Variants in TMEM184A observed in about 807,000 individuals in gnomAD.
TMEM184A encodes the protein transmembrane protein 184A.
In TMEM184A, 40 loss-of-function variants were observed where a neutral mutation model predicts 39.5. The ratio of observed to expected loss-of-function variants is 1.01; its 90% CI spans 0.79 to 1.32. TMEM184A has a LOEUF of 1.32. Ranked by LOEUF, TMEM184A falls within the 40% of genes most tolerant of loss-of-function variation. The pLI is 0.00. For missense variants in TMEM184A, 603 were observed against 568.8 expected, an observed-to-expected ratio of 1.06 and a Z score of -0.61; for synonymous variants, 280 against 252.3, an observed-to-expected ratio of 1.11 and a Z score of -1.04.
Position 1,555,208 on chromosome 7 carries a change from C to A in TMEM184A, c.219+58G>T. ...CACCCAGGGGGACCGGGCTGAGCCA[C>A]GGCCACGTCCTGTGGAGACCAAGGT... On this transcript the variant is annotated intron_variant, in intron 2 of 8. Coordinates refer to ENST00000297477, the MANE Select transcript of TMEM184A (RefSeq NM_001097620.2). This position sits in a 1 kb window ranked among gnomAD's most constrained non-coding sequence, Gnocchi z 5.2. 2 of 1,435,510 alleles carry A rather than the reference C, an allele frequency of 1.4e-6. No homozygotes were observed. The highest frequency in any genetic ancestry group is 1.9e-6 in the Non-Finnish European group (2 of 1,067,458). The allele number at this position is 1,435,510 out of a possible 1,614,324, so 88.9% of individuals were successfully genotyped here. A position where few individuals can be genotyped will look rare whatever the true frequency, so the allele number is the denominator to read the frequency against.
intron 4 of TMEM184A, 48 bp downstream of exon 4, chr7:1,550,257 C>T: frequency 2.5e-6 from 4 of 1,608,926 alleles, no homozygotes; most frequent in Non-Finnish European, 3.4e-6. Flanking sequence ...CGCCGGGCTC[C>T]CTGTCCCAGG....
chr7:1,555,542 G>A lies in TMEM184A; in HGVS notation c.1-58C>T, dbSNP rs540997586. The A allele has an allele frequency of 5.3e-4, 735 of 1,386,792 alleles. 8 individuals carry two copies. The South Asian group carries it at 7.9e-3, about 15-fold the overall frequency. 85.9% of individuals were successfully genotyped at this position (1,386,792 alleles called of 1,614,324 possible). ...AGTGAGGGCAAAGGTACTGGCTCCC[G>A]GCAGCAGGAAGCAGCGGGGGAGGGA... On this transcript the variant is annotated intron_variant, in intron 1 of 8. Coordinates refer to ENST00000297477, the MANE Select transcript of TMEM184A (RefSeq NM_001097620.2). This position sits in a 1 kb window ranked among gnomAD's most constrained non-coding sequence, Gnocchi z 5.2.
chr7:1,549,719 T>TGCCAGGTGCCCCCGCAGCTCCCACCTTAC, intron 6 of TMEM184A, 135 bp downstream of exon 6: 1 of 800,112 alleles, frequency 1.2e-6, no homozygotes, highest in Non-Finnish European at 2.1e-6. Context: ...GCCCACCTCA[T>TGCCAGGTGCCCCCGCAGCTCCCACCTTAC]GCCAGGTGCC....
rs1419955582 is a variant in TMEM184A, at chr7:1,550,884, G to A, written c.318C>T (p.Leu106=). ...GGTGGTCTCCGAGGAGGAGGAGGCTGAGCCAGGAGTCGAAGGCGTAGATGG... is the reference window on the plus strand; with the variant it reads ...GGTGGTCTCCGAGGAGGAGGAGGCTAAGCCAGGAGTCGAAGGCGTAGATGG... ...IVPIYAFDSW[L]SLLLLGDHQY... is the part of the protein sequence containing the mutation. Residue 106 remains leucine, a synonymous_variant, in exon 3 of 9, where the codon CTC becomes CTT. Transcript: ENST00000297477. 3 of 1,613,802 alleles carry A rather than the reference G, an allele frequency of 1.9e-6. No homozygotes were observed. The highest frequency in any genetic ancestry group is 1.7e-5 in the Admixed American group (1 of 60,030).
rs1583219646 is a variant in TMEM184A at position 1,550,689 on chromosome 7, T to C, written c.385+128A>G. On this transcript the variant is annotated intron_variant, in intron 3 of 8. Coordinates refer to ENST00000297477, the MANE Select transcript of TMEM184A (RefSeq NM_001097620.2). ...CCAGCGCCGCTAACCCTGACTATCC[T>C]GGCAGCCCCTCTGACGGGCCGGGAG... 3 of 1,234,578 alleles carry C rather than the reference T, an allele frequency of 2.4e-6. No individual in the cohort carries two copies. The East Asian group carries it at 7.2e-5, about 30-fold the overall frequency. 76.5% of individuals were successfully genotyped at this position (1,234,578 alleles called of 1,614,324 possible). A position where few individuals can be genotyped will look rare whatever the true frequency, so the allele number is the denominator to read the frequency against.
chr7:1,552,363 A>G (rs1167097668), intron 2 of TMEM184A, among the ~76,000 whole-genome samples: 1 of 152,106 alleles, frequency 6.6e-6, no homozygotes, highest in Non-Finnish European at 1.5e-5. Flanking sequence ...TTCGTGGGGA[A>G]TGGCTGAGTC....
intron 6 of TMEM184A, chr7:1,549,052 GAC>G: frequency 2.0e-6 from 1 of 507,626 alleles, no homozygotes; most frequent in Non-Finnish European, 3.8e-6. Context: ...CTGTGTGGTG[GAC>G]ACACAGGTGT....
chr7:1,551,217 T>C (rs1187926258), intron 2 of TMEM184A, among the ~76,000 whole-genome samples: 2 of 77,692 alleles, frequency 2.6e-5, no homozygotes, highest in African/African-American at 4.7e-5. Flanking sequence ...GAGAGCCGGG[T>C]CCACCCGGTA....
rs1784213642 is a variant in TMEM184A, at chr7:1,542,369, G to A, written c.*4583C>T. ...AGGTGGGAGTTGGGAGCAAAGCGGA[G>A]GCCCGGGCTGCCCGCCGTCCCCCTT... On this transcript the variant is annotated 3_prime_UTR_variant, in exon 9 of 9. Transcript: ENST00000297477. 1 of 152,542 alleles carries A rather than the reference G, an allele frequency of 6.6e-6. No individual in the cohort carries two copies. The highest frequency in any genetic ancestry group is 1.5e-5 in the Non-Finnish European group (1 of 68,088). 9.4% of individuals were successfully genotyped at this position (152,542 alleles called of 1,614,324 possible).
chr7:1,547,341 C>T (rs750092967), intron 8 of TMEM184A, among the ~76,000 whole-genome samples, 160 bp from the exon 9 acceptor site: 5 of 152,030 alleles, frequency 3.3e-5, no homozygotes, highest in Non-Finnish European at 7.4e-5. Flanking sequence ...GCCCAGCTTG[C>T]TCCACCCAGC....
chr7:1,548,071 G>C, intron 7 of TMEM184A, 132 bp from the exon 8 acceptor site: 1 of 1,056,606 alleles, frequency 9.5e-7, no homozygotes, highest in South Asian at 1.6e-5. Flanking sequence ...CACCCCAGGA[G>C]ACTGAGGTTC....
rs1247449084 is a variant in TMEM184A, at chr7:1,543,425, C to T, written c.*3527G>A. ...AGCTTTGCTGGACTCTCAGAGGAGC[C>T]TGCAGGAAGCTGTGAGCAAGACAGG... On this transcript the variant is annotated 3_prime_UTR_variant, in exon 9 of 9. Transcript: ENST00000297477. 1.3e-5 allele frequency: 2 copies of T among 152,308 alleles called. No homozygotes were observed. The highest frequency in any genetic ancestry group is 2.9e-5 in the Non-Finnish European group (2 of 68,080). The allele number at this position is 152,308 out of a possible 1,614,324, so 9.4% of individuals were successfully genotyped here.
At chr7:1,550,049 G>T (rs1008653927) in intron 5 of TMEM184A, 74 bp downstream of exon 5, 3 of 1,585,244 alleles carry the variant, frequency 1.9e-6, no homozygotes, top group African/African-American at 1.3e-5. Flanking sequence ...ACTGGGTGGG[G>T]TGGCGCTGGG....
intron 2 of TMEM184A, among the ~76,000 whole-genome samples, chr7:1,552,870 C>T (rs1041368324): frequency 6.6e-6 from 1 of 152,170 alleles, no homozygotes; most frequent in Non-Finnish European, 1.5e-5. Flanking sequence ...GCCTGGTCAA[C>T]AGGGCGAACT....
At position 1,555,409 on chromosome 7, in the gene TMEM184A, G is replaced by C. The variant is rs571255809; in HGVS notation, c.76C>G (p.Pro26Ala). The C allele has an allele frequency of 4.3e-6, 7 of 1,611,848 alleles. No individual in the cohort carries two copies. The highest frequency in any genetic ancestry group is 2.2e-5 in the East Asian group (1 of 44,852). The change falls in exon 2 of 9, where the codon CCA (proline) becomes GCA (alanine). Residue 26 changes from proline to alanine, a missense_variant. Coordinates refer to ENST00000297477, the MANE Select transcript of TMEM184A (RefSeq NM_001097620.2). The surrounding 1 kb of genome is among the most constrained non-coding windows in gnomAD (Gnocchi z 5.2). ...VSANWPQPSP[P>A]PAVPAGPQMD... ...TGCGGCCCAGCTGGCACAGCCGGTG[G>C]GGGGCTGGGCTGCGGCCAGTTCGCT...
Position 1,548,585 on chromosome 7 carries a change from G to C in TMEM184A, c.748C>G (p.Arg250Gly). 1 of 1,613,896 alleles carries C rather than the reference G, an allele frequency of 6.2e-7. No individual in the cohort carries two copies. Among genetic ancestry groups the C allele is most frequent in the Non-Finnish European group, 8.5e-7 (1 of 1,179,978 alleles). Reference protein sequence around the residue: ...LFYFTTRELLRPFQPVLKFLT... With the variant: ...LFYFTTRELLGPFQPVLKFLT... ...AACTTGAGGACGGGCTGGAAGGGCC[G>C]CAGGAGCTCCCTGGTGGTGAAGTAG... Residue 250 changes from arginine to glycine, a missense_variant, in exon 7 of 9, where the codon CGG becomes GGG. Coordinates refer to ENST00000297477, the MANE Select transcript of TMEM184A (RefSeq NM_001097620.2).
rs748796674 is a variant in TMEM184A at position 1,555,280 on chromosome 7, G to C, written c.205C>G (p.Leu69Val). ...GAAGGGCTTACCTGGTGGCAGGTGA[G>C]CACCAGGGCAGTCCACACGAAGATC... Reference protein sequence around the residue: ...SGIFVWTALVLTCHQIYLHLR... With the variant: ...SGIFVWTALVVTCHQIYLHLR... The change falls in exon 2 of 9, where the codon CTC (leucine) becomes GTC (valine). Residue 69 changes from leucine to valine, a missense_variant. By Grantham distance (32) the Leu-to-Val change is conservative. Coordinates refer to ENST00000297477, the MANE Select transcript of TMEM184A (RefSeq NM_001097620.2). The surrounding 1 kb of genome is among the most constrained non-coding windows in gnomAD (Gnocchi z 5.2). The C allele has an allele frequency of 1.2e-6, 2 of 1,605,150 alleles. No individual in the cohort carries two copies. The highest frequency in any genetic ancestry group is 1.7e-6 in the Non-Finnish European group (2 of 1,176,048).
Position 1,547,108 on chromosome 7 carries a change from G to T in TMEM184A, c.1086C>A (p.Asp362Glu), listed in dbSNP as rs764384925. Residue 362 changes from aspartate (D) to glutamate (E), a missense_variant, in exon 9 of 9, where the codon GAC (aspartate) becomes GAA (glutamate). Transcript: ENST00000297477. ...AGGCGGGGGAGAAGTTGTGGATGGC[G>T]TCCTGCACGATGTCCTGGGGGCTCA... ...ETVSPQDIVQDAIHNFSPAYQ... is the reference protein window; with the variant it reads ...ETVSPQDIVQEAIHNFSPAYQ... 1.9e-6 allele frequency: 3 copies of T among 1,610,342 alleles called. No individual in the cohort carries two copies. In the South Asian group the frequency reaches 3.3e-5, roughly 18 times the overall value.
Position 1,547,231 on chromosome 7 carries a change from C to G in TMEM184A, c.1013-50G>C, listed in dbSNP as rs745357833. On this transcript the variant is annotated intron_variant, in intron 8 of 8. Transcript: ENST00000297477. ...CCACCATCCCCCCTGCACTCCAGCT[C>G]CCCGGACAAGTCCCCTCCCAGGATG... 83 of 1,074,962 alleles carry G rather than the reference C, an allele frequency of 7.7e-5. 1 individual carries two copies. In the East Asian group the frequency reaches 8.0e-4, roughly 10 times the overall value. 66.6% of individuals were successfully genotyped at this position (1,074,962 alleles called of 1,614,324 possible).
Sources: gnomAD v4.1 joint callset for allele counts (sites outside exome capture counted in the v4.1 genomes callset) on GRCh38, gnomAD v4.1.1 for gene constraint, Gnocchi (gnomAD v3.1) non-coding constraint, MANE v1.5 for transcripts, NCBI Gene and HGNC (gene_info 2026-07-23, HGNC 2026-07-21) for gene names.